Variants in STK32B observed in about 807,000 individuals in gnomAD.
The protein encoded by STK32B is serine/threonine kinase 32B.
In STK32B, 43 loss-of-function variants were observed where a neutral mutation model predicts 52.6. The ratio of observed to expected loss-of-function variants is 0.82; its 90% CI spans 0.64 to 1.05. The LOEUF is 1.05. STK32B is among the 50% of genes least tolerant of loss of function. STK32B has a pLI of 0.00. For synonymous variants in STK32B, 238 were observed against 204.3 expected, an observed-to-expected ratio of 1.17 and a Z score of -1.41; for missense variants, 621 against 534.6, an observed-to-expected ratio of 1.16 and a Z score of -1.59.
rs117473502 is a variant in STK32B at position 5,403,447 on chromosome 4, G to A, written c.472+5203G>A. The stretch of plus-strand genomic sequence containing the variant: ...ATTTCCCCACTCCCCATCCTCCTGA[G>A]CGGCCCTGATGCTTCCCTGTCTCCC... On this transcript the variant is annotated intron_variant, in intron 5 of 11. Transcript: ENST00000282908. Among the ~76,000 whole-genome samples, 733 of 152,246 alleles carry A rather than the reference G, an allele frequency of 4.8e-3. 16 individuals are homozygous for A. In the East Asian group the frequency reaches 0.066, roughly 14 times the overall value.
intron 11 of STK32B, among the ~76,000 whole-genome samples, chr4:5,484,838 T>C (rs1719014930): frequency 6.6e-6 from 1 of 152,188 alleles, no homozygotes; most frequent in Non-Finnish European, 1.5e-5. Context: ...TATTTCTCCT[T>C]CACTTATGAA....
At chr4:5,371,321 T>C (rs1224071436) in intron 4 of STK32B, among the ~76,000 whole-genome samples, 5 of 151,846 alleles carry the variant, frequency 3.3e-5, no homozygotes, top group East Asian at 3.9e-4. Context: ...ACATCAAAGG[T>C]AGGGGAGGAG....
intron 4 of STK32B, among the ~76,000 whole-genome samples, chr4:5,355,673 C>G (rs536702397): frequency 8.5e-5 from 13 of 152,284 alleles, no homozygotes; most frequent in Admixed American, 5.9e-4. Context: ...GCATCTCCCA[C>G]TCCTTTCCCC....
At chr4:5,359,964 C>G (rs1207226355) in intron 4 of STK32B, among the ~76,000 whole-genome samples, 1 of 152,140 alleles carries the variant, frequency 6.6e-6, no homozygotes, top group Non-Finnish European at 1.5e-5. Context: ...TCTATGCTTT[C>G]GATAGAGGAG....
chr4:5,460,047 C>G lies in STK32B; in HGVS notation c.784-56C>G. On this transcript the variant is annotated intron_variant, in intron 8 of 11. Transcript: ENST00000282908. The surrounding 1 kb of genome is among the most constrained non-coding windows in gnomAD (Gnocchi z 4.8). Reference sequence around the variant, plus strand: ...CCTGAGACCCCCTCCTTCAGAGTCCCCGCTAACCTTGAGGGATGCCCAATT... The same window carrying G: ...CCTGAGACCCCCTCCTTCAGAGTCCGCGCTAACCTTGAGGGATGCCCAATT... 6.2e-7 allele frequency: 1 copy of G among 1,613,866 alleles called. No individual in the cohort carries two copies. The highest frequency in any genetic ancestry group is 1.3e-5 in the African/African-American group (1 of 75,048).
chr4:5,142,383 C>T (rs1338289484), intron 2 of STK32B, among the ~76,000 whole-genome samples: 2 of 152,216 alleles, frequency 1.3e-5, no homozygotes, highest in Admixed American at 1.3e-4. Context: ...TATTAATTCA[C>T]TAACCAGAAT....
In STK32B at chr4:5,450,021, G is replaced by A. The variant is rs373624095; in HGVS notation, c.666+3245G>A. Among the ~76,000 whole-genome samples the A allele has an allele frequency of 2.0e-5, 3 of 152,204 alleles. No individual in the cohort carries two copies. In the East Asian group the frequency reaches 5.8e-4, roughly 29 times the overall value. ...CCCTGAAACCATCCCCGCAACCCTA[G>A]TCCATGGAAAAAAATGTCTTCCACA... On this transcript the variant is annotated intron_variant, in intron 7 of 11. Transcript: ENST00000282908.
chr4:5,488,086 T>G (rs1719386212), intron 11 of STK32B, among the ~76,000 whole-genome samples: 1 of 152,078 alleles, frequency 6.6e-6, no homozygotes, highest in Admixed American at 6.6e-5. Flanking sequence ...ATAACCCTAT[T>G]CTTATATGGT....
chr4:5,312,736 A>C (rs533579402), intron 3 of STK32B, among the ~76,000 whole-genome samples: 5 of 151,728 alleles, frequency 3.3e-5, no homozygotes, highest in African/African-American at 1.2e-4. Flanking sequence ...GAATAGTGCC[A>C]CAATAAACAT....
chr4:5,244,298 G>A (rs1464807135), intron 3 of STK32B, among the ~76,000 whole-genome samples: 1 of 152,140 alleles, frequency 6.6e-6, no homozygotes, highest in African/African-American at 2.4e-5. Flanking sequence ...TCCTGGTTTA[G>A]TCTTGGGAGG....
Position 5,499,918 on chromosome 4 carries a change from ACT to A in STK32B, c.*840_*841del, listed in dbSNP as rs1268025342. 2.0e-5 allele frequency: 3 copies of A among 152,100 alleles called. No homozygotes were observed. The highest frequency in any genetic ancestry group is 4.4e-5 in the Non-Finnish European group (3 of 68,068). 9.4% of individuals were successfully genotyped at this position (152,100 alleles called of 1,614,324 possible). ...CCCAGACCTGCAGCAGAACTCTCCA[ACT>A]CTCTATCAGCTTTCAGGGTTTTCTC... is the stretch of plus-strand genomic sequence containing the variant. On this transcript the variant is annotated 3_prime_UTR_variant, in exon 12 of 12. Transcript: ENST00000282908.
rs923909268 is a variant in STK32B, at chr4:5,287,213, T to A, written c.261-44007T>A. ...GTTTCCCAAAGGGTTTGTACCAGTT[T>A]ACATTCCAGTCAACAGTGAATGAGG... On this transcript the variant is annotated intron_variant, in intron 3 of 11. Coordinates refer to ENST00000282908, the MANE Select transcript of STK32B (RefSeq NM_018401.3). Among the ~76,000 whole-genome samples the A allele has an allele frequency of 2.6e-5, 4 of 152,338 alleles. No homozygotes were observed. The Middle Eastern group carries it at 0.014, about 518-fold the overall frequency.
chr4:5,389,996 G>T (rs1736500678), intron 4 of STK32B, among the ~76,000 whole-genome samples: 1 of 152,232 alleles, frequency 6.6e-6, no homozygotes, highest in Admixed American at 6.5e-5. Flanking sequence ...GCAGCCTCCA[G>T]AACCTACAAA....
At chr4:5,355,562 T>C (rs1734117890) in intron 4 of STK32B, among the ~76,000 whole-genome samples, 1 of 152,172 alleles carries the variant, frequency 6.6e-6, no homozygotes, top group Admixed American at 6.5e-5. Context: ...ACCTTGACAT[T>C]ATTGATATTT....
chr4:5,398,067 C>T lies in STK32B; in HGVS notation c.435-140C>T. On this transcript the variant is annotated intron_variant, in intron 4 of 11. Coordinates refer to ENST00000282908, the MANE Select transcript of STK32B (RefSeq NM_018401.3). This position sits in a 1 kb window ranked among gnomAD's most constrained non-coding sequence, Gnocchi z 4.9. ...TCCCATTATCTTACCAATTATTCTCCCACTCCATGTCTGAGGCTTCAGGTC... is the reference window on the plus strand; with the variant it reads ...TCCCATTATCTTACCAATTATTCTCTCACTCCATGTCTGAGGCTTCAGGTC... The T allele has an allele frequency of 1.3e-6, 1 of 766,938 alleles. No homozygotes were observed. Among genetic ancestry groups the T allele is most frequent in the Non-Finnish European group, 2.1e-6 (1 of 468,500 alleles). 47.5% of individuals were successfully genotyped at this position (766,938 alleles called of 1,614,324 possible).
the STK32B span, among the ~76,000 whole-genome samples, chr4:5,034,100 C>T: frequency 6.6e-6 from 1 of 152,162 alleles, no homozygotes; most frequent in Non-Finnish European, 1.5e-5. Flanking sequence ...CGTTTCCAGG[C>T]GGGGACATAG....
chr4:5,334,774 T>C (rs2108959947), intron 4 of STK32B, among the ~76,000 whole-genome samples: 1 of 152,026 alleles, frequency 6.6e-6, no homozygotes, highest in East Asian at 1.9e-4. Context: ...TATGCTGGAT[T>C]ACATTTATTG....
At chr4:5,317,489 T>A (rs1731162244) in intron 3 of STK32B, among the ~76,000 whole-genome samples, 1 of 106,324 alleles carries the variant, frequency 9.4e-6, no homozygotes, top group Non-Finnish European at 1.7e-5. Flanking sequence ...ATTACATATA[T>A]ATAATATATA....
chr4:5,441,601 C>T (rs913765717), intron 6 of STK32B, among the ~76,000 whole-genome samples: 13 of 151,880 alleles, frequency 8.6e-5, no homozygotes, highest in Non-Finnish European at 1.6e-4. Context: ...GTCTCTATTT[C>T]CTTCAGTTCT....
Sources: gnomAD v4.1 joint callset for allele counts (sites outside exome capture counted in the v4.1 genomes callset) on GRCh38, gnomAD v4.1.1 for gene constraint, Gnocchi (gnomAD v3.1) non-coding constraint, MANE v1.5 for transcripts, NCBI Gene and HGNC (gene_info 2026-07-23, HGNC 2026-07-21) for gene names.